Variants in SSU72 observed in about 807,000 individuals in gnomAD.
SSU72 encodes RNA polymerase II subunit A C-terminal domain phosphatase SSU72.
Under a neutral mutation model 22.7 loss-of-function variants are expected in SSU72, and 12 were observed. The observed-to-expected ratio is 0.53, with a 90% CI of 0.34 to 0.86. The LOEUF is 0.86. SSU72 is among the 40% of genes least tolerant of loss of function. The probability of loss-of-function intolerance (pLI) is 0.02; values close to 1 mark genes in which losing one functional copy is unlikely to be tolerated. For synonymous variants in SSU72, 116 were observed against 98.3 expected, an observed-to-expected ratio of 1.18 and a Z score of -1.06; for missense variants, 151 against 249.8, an observed-to-expected ratio of 0.60 and a Z score of 2.67.
Position 1,554,253 on chromosome 1 carries a change from G to A in SSU72, c.225-9251C>T, listed in dbSNP as rs866800840. Among the ~76,000 whole-genome samples, 5 of 151,598 alleles carry A rather than the reference G, an allele frequency of 3.3e-5. 1 individual carries two copies. The highest frequency in any genetic ancestry group is 1.9e-4 in the East Asian group (1 of 5,160). On this transcript the variant is annotated intron_variant, in intron 2 of 4. Transcript: ENST00000291386. This position sits in a 1 kb window ranked among gnomAD's most constrained non-coding sequence, Gnocchi z 4.1. Reference sequence around the variant, plus strand: ...ACGAAGCTGAGCATGAGGCGGACCCGGACCACTCGGGGGCCCCCACGAAGC... The same window carrying A: ...ACGAAGCTGAGCATGAGGCGGACCCAGACCACTCGGGGGCCCCCACGAAGC...
chr1:1,568,349 T>C (rs1285153006), intron 1 of SSU72, among the ~76,000 whole-genome samples: 1 of 152,092 alleles, frequency 6.6e-6, no homozygotes, highest in Non-Finnish European at 1.5e-5. Flanking sequence ...TCCCAGCACT[T>C]TGGGAGACCA....
At chr1:1,556,384 C>T (rs911582105) in intron 2 of SSU72, among the ~76,000 whole-genome samples, 1 of 152,076 alleles carries the variant, frequency 6.6e-6, no homozygotes, top group South Asian at 2.1e-4. Context: ...ACTAAAAATA[C>T]AAAAAATTAG....
rs1317364745 is a variant in SSU72 at position 1,550,562 on chromosome 1, C to G, written c.225-5560G>C. 3.9e-5 allele frequency among the ~76,000 whole-genome samples: 6 copies of G among 152,342 alleles called. No individual in the cohort carries two copies. In the South Asian group the frequency reaches 8.3e-4, roughly 21 times the overall value. ...CCTGGGCCCTTGCCTCTCGCCAGAC[C>G]CCACGGGGCCTTGAGCCCCGGGCCC... is the stretch of plus-strand genomic sequence containing the variant. On this transcript the variant is annotated intron_variant, in intron 2 of 4. Coordinates refer to ENST00000291386, the MANE Select transcript of SSU72 (RefSeq NM_014188.3).
chr1:1,543,049 CACAGAG>C (rs977672606), intron 4 of SSU72, among the ~76,000 whole-genome samples: 16 of 152,318 alleles, frequency 1.1e-4, no homozygotes, highest in Admixed American at 5.9e-4. Flanking sequence ...TTCATCAAAT[CACAGAG>C]GCAGAGGCAG....
intron 2 of SSU72, among the ~76,000 whole-genome samples, chr1:1,560,461 T>C (rs1642575114): frequency 6.6e-6 from 1 of 152,172 alleles, no homozygotes. Context: ...CGCATCCCAG[T>C]GCTGCAAACC....
rs927590016 is a variant in SSU72 at position 1,542,646 on chromosome 1, C to T, written c.484-479G>A. ...CTCCTAGGCACACCTGCCCTGGCACCGGCAGCTCGTTACTCGCCATCTCCA... is the reference window on the plus strand; with the variant it reads ...CTCCTAGGCACACCTGCCCTGGCACTGGCAGCTCGTTACTCGCCATCTCCA... On this transcript the variant is annotated intron_variant, in intron 4 of 4. Transcript: ENST00000291386. The surrounding 1 kb of genome is among the most constrained non-coding windows in gnomAD (Gnocchi z 4.4). Among the ~76,000 whole-genome samples the T allele has an allele frequency of 5.3e-5, 8 of 152,132 alleles. No homozygotes were observed. Among genetic ancestry groups the T allele is most frequent in the Admixed American group, 1.3e-4 (2 of 15,278 alleles).
chr1:1,570,466 A>G (rs1226647324), intron 1 of SSU72, among the ~76,000 whole-genome samples: 3 of 151,704 alleles, frequency 2.0e-5, no homozygotes, highest in Admixed American at 1.3e-4. Context: ...CCCAGTCATG[A>G]CATGGAGGAA....
At chr1:1,572,359 C>T (rs1342230257) in intron 1 of SSU72, among the ~76,000 whole-genome samples, 11 of 146,368 alleles carry the variant, frequency 7.5e-5, no homozygotes, top group Admixed American at 4.8e-4. Flanking sequence ...ACCCAGGAGG[C>T]GGAGCTTGCA....
rs192094978 is a variant in SSU72, at chr1:1,542,240, A to G, written c.484-73T>C. On this transcript the variant is annotated intron_variant, in intron 4 of 4. Coordinates refer to ENST00000291386, the MANE Select transcript of SSU72 (RefSeq NM_014188.3). This position sits in a 1 kb window ranked among gnomAD's most constrained non-coding sequence, Gnocchi z 4.4. ...TGCTCCCCCTAACACCTGGATCGCC[A>G]GGGAAACGCCAGGCCTGAGCCAGCA... 7.0e-7 allele frequency: 1 copy of G among 1,429,884 alleles called. No individual in the cohort carries two copies. Among genetic ancestry groups the G allele is most frequent in the Admixed American group, 2.0e-5 (1 of 50,594 alleles). The allele number at this position is 1,429,884 out of a possible 1,614,324, so 88.6% of individuals were successfully genotyped here.
chr1:1,574,360 G>A (rs957844323), intron 1 of SSU72, 118 bp downstream of exon 1: 1 of 1,110,322 alleles, frequency 9.0e-7, no homozygotes, highest in Non-Finnish European at 1.3e-6. Context: ...GCCGACCCAC[G>A]AGCGCGGCCC....
At chr1:1,569,974 G>A (rs562786360) in intron 1 of SSU72, among the ~76,000 whole-genome samples, 1 of 151,980 alleles carries the variant, frequency 6.6e-6, no homozygotes, top group African/African-American at 2.4e-5. Context: ...CATTTCCTAC[G>A]CTTTTCACAT....
At chr1:1,547,454 A>G (rs889647993) in intron 2 of SSU72, among the ~76,000 whole-genome samples, 1 of 152,278 alleles carries the variant, frequency 6.6e-6, no homozygotes, top group Non-Finnish European at 1.5e-5. Flanking sequence ...ATGAGCGAGC[A>G]GCCACCCTTC....
chr1:1,562,187 G>A (rs1048727143), intron 2 of SSU72: 1 of 152,326 alleles, frequency 6.6e-6, no homozygotes, highest in African/African-American at 2.4e-5. Flanking sequence ...AACCCAGGAG[G>A]TCACAGTGGG....
At chr1:1,560,615 G>A (rs916538327) in intron 2 of SSU72, among the ~76,000 whole-genome samples, 6 of 152,172 alleles carry the variant, frequency 3.9e-5, no homozygotes, top group African/African-American at 1.4e-4. Flanking sequence ...AACTTATTAT[G>A]GCTCAATGCA....
rs11807706 is a variant in SSU72 at position 1,542,280 on chromosome 1, A to G, written c.484-113T>C. On this transcript the variant is annotated intron_variant, in intron 4 of 4. Transcript: ENST00000291386. The surrounding 1 kb of genome is among the most constrained non-coding windows in gnomAD (Gnocchi z 4.4). ...CTGAGCCAGCAGAAACCAGCGCAGC[A>G]GGCAGGCCCTCACCCCACCGCTGCT... 0.012 allele frequency: 12,448 copies of G among 1,011,534 alleles called. 773 individuals are homozygous for G. In the African/African-American group the frequency reaches 0.15, roughly 12 times the overall value. 62.7% of individuals were successfully genotyped at this position (1,011,534 alleles called of 1,614,324 possible). A position where few individuals can be genotyped will look rare whatever the true frequency, so the allele number is the denominator to read the frequency against.
At chr1:1,572,753 G>A (rs1376655696) in intron 1 of SSU72, among the ~76,000 whole-genome samples, 5 of 151,084 alleles carry the variant, frequency 3.3e-5, no homozygotes, top group East Asian at 2.0e-4. Context: ...CACTGCGCCC[G>A]GCCTACTCCA....
chr1:1,543,532 C>CAG (rs1642350799), intron 4 of SSU72, among the ~76,000 whole-genome samples: 1 of 152,198 alleles, frequency 6.6e-6, no homozygotes, highest in Non-Finnish European at 1.5e-5. Flanking sequence ...AGCAGGCGCC[C>CAG]CCGACACAGG....
In SSU72 at chr1:1,544,947, G is replaced by A; in HGVS notation, c.280C>T (p.Arg94Trp). Residue 94 changes from arginine to tryptophan, a missense_variant, in exon 3 of 5, where the codon CGG becomes TGG. Transcript: ENST00000291386. The part of the protein sequence containing the change: ...MLDRNKRIKP[R>W]PERFQNCKDL... ...TTGCAGTTCTGGAATCTTTCTGGCC[G>A]GGGCTTGATTCTCTTATTTCTGTCC... The A allele has an allele frequency of 6.2e-7, 1 of 1,614,200 alleles. No individual in the cohort carries two copies. Among genetic ancestry groups the A allele is most frequent in the Non-Finnish European group, 8.5e-7 (1 of 1,180,048 alleles).
chr1:1,545,040 T>C, intron 2 of SSU72, 38 bp from the exon 3 acceptor site: 1 of 1,603,198 alleles, frequency 6.2e-7, no homozygotes, highest in Non-Finnish European at 8.5e-7. Context: ...AGAAAAGGCA[T>C]CTGTGTATGA....
Sources: gnomAD v4.1 joint callset for allele counts (sites outside exome capture counted in the v4.1 genomes callset) on GRCh38, gnomAD v4.1.1 for gene constraint, Gnocchi (gnomAD v3.1) non-coding constraint, MANE v1.5 for transcripts, NCBI Gene and HGNC (gene_info 2026-07-23, HGNC 2026-07-21) for gene names.